The following PPP2R3A variants were observed in gnomAD, a reference collection of about 807,000 sequenced individuals.
The protein encoded by PPP2R3A is protein phosphatase 2 regulatory subunit B''alpha.
In PPP2R3A, 80 loss-of-function variants were observed where a neutral mutation model predicts 106.9. The ratio of observed to expected loss-of-function variants is 0.75; its 90% confidence interval spans 0.62 to 0.90. The LOEUF (loss-of-function observed/expected upper bound fraction) is 0.90. PPP2R3A is among the 40% of genes least tolerant of loss of function. The pLI is 0.00. For synonymous variants in PPP2R3A, 483 were observed against 468.3 expected (o/e 1.03, Z -0.41); for missense variants, 1,386 against 1,350.4 (o/e 1.03, Z -0.41).
At chr3:136,005,734 A>G (rs1209964621) in intron 2 of PPP2R3A, among the ~76,000 whole-genome samples, 1 of 152,186 alleles carries the variant, frequency 6.6e-6, no homozygotes, top group Non-Finnish European at 1.5e-5. Context: ...TCAAAATGAT[A>G]ATAATGTCAT....
At chr3:136,032,399 G>A (rs550904422) in intron 3 of PPP2R3A, among the ~76,000 whole-genome samples, 5 of 151,912 alleles carry the variant, frequency 3.3e-5, no homozygotes, top group African/African-American at 1.2e-4. Flanking sequence ...AAACTTTGCT[G>A]AATTATTTTA....
rs565147863 is a variant in PPP2R3A at position 136,037,037 on chromosome 3, G to T, written c.2263-3822G>T. On this transcript the variant is annotated intron_variant, in intron 3 of 13. Transcript: ENST00000264977. ...GAGGCAACCTTTAAGGAGTAAGGAG[G>T]AGAGAGTTTGTTAGAGCAATAAATG... 2.0e-5 allele frequency among the ~76,000 whole-genome samples: 3 copies of T among 152,340 alleles called. No homozygotes were observed. The East Asian group carries it at 5.8e-4, about 29-fold the overall frequency.
At chr3:135,968,030 C>T (rs1220200601) in intron 1 of PPP2R3A, among the ~76,000 whole-genome samples, 3 of 152,176 alleles carry the variant, frequency 2.0e-5, no homozygotes, top group Admixed American at 6.5e-5. Context: ...TAGTTAAGAA[C>T]CACTGTTGTG....
intron 2 of PPP2R3A, among the ~76,000 whole-genome samples, chr3:136,007,823 G>A (rs987724522): frequency 6.6e-6 from 1 of 152,188 alleles, no homozygotes; most frequent in African/African-American, 2.4e-5. Flanking sequence ...CATGGATTTG[G>A]GTTGGAAAAG....
chr3:136,084,949 T>G lies in PPP2R3A; in HGVS notation c.2788+2528T>G, dbSNP rs2107934977. On this transcript the variant is annotated intron_variant, in intron 8 of 13. Transcript: ENST00000264977. ...CTAACTTGCTTTTGATTTTACAGGC[T>G]CATAGGTGGAAGGAAGTTGGGTTGT... Among the ~76,000 whole-genome samples, 4 of 152,326 alleles carry G rather than the reference T, an allele frequency of 2.6e-5. No individual in the cohort carries two copies. In the Middle Eastern group the frequency reaches 0.014, roughly 518 times the overall value.
At position 135,999,525 on chromosome 3, in the gene PPP2R3A, T is replaced by C. The variant is rs554026791; in HGVS notation, c.-440-1534T>C. Among the ~76,000 whole-genome samples, 3 of 152,276 alleles carry C rather than the reference T, an allele frequency of 2.0e-5. No individual in the cohort carries two copies. In the East Asian group the frequency reaches 5.8e-4, roughly 29 times the overall value. On this transcript the variant is annotated intron_variant, in intron 1 of 13. Transcript: ENST00000264977. ...TTGACACCCATGGGTCTGAAACAAATAGCAGGGAAAGTAATCTTTGATTCT... is the reference window on the plus strand; with the variant it reads ...TTGACACCCATGGGTCTGAAACAAACAGCAGGGAAAGTAATCTTTGATTCT...
chr3:136,064,503 T>C lies in PPP2R3A; in HGVS notation c.2470-5975T>C, dbSNP rs1453779346. 6.6e-5 allele frequency among the ~76,000 whole-genome samples: 10 copies of C among 152,288 alleles called. No homozygotes were observed. In the East Asian group the frequency reaches 1.9e-3, roughly 29 times the overall value. ...TTCAGGGTGTTTCTCTTGTTGTGGATATGTCAGGAAATGGTTGTGTTCACC... is the reference window on the plus strand; with the variant it reads ...TTCAGGGTGTTTCTCTTGTTGTGGACATGTCAGGAAATGGTTGTGTTCACC... On this transcript the variant is annotated intron_variant, in intron 5 of 13. Coordinates refer to ENST00000264977, the MANE Select transcript of PPP2R3A (RefSeq NM_002718.5).
At chr3:136,139,467 G>A (rs148761094) in intron 13 of PPP2R3A, among the ~76,000 whole-genome samples, 1 of 151,850 alleles carries the variant, frequency 6.6e-6, no homozygotes, top group Non-Finnish European at 1.5e-5. Context: ...AGGCCGAGGG[G>A]GGGGATCATG....
intron 2 of PPP2R3A, among the ~76,000 whole-genome samples, chr3:136,018,327 T>C (rs933839359): frequency 6.6e-6 from 1 of 152,226 alleles, no homozygotes; most frequent in East Asian, 1.9e-4. Flanking sequence ...TACTGTTTTT[T>C]AACAGTTATA....
intron 3 of PPP2R3A, among the ~76,000 whole-genome samples, chr3:136,036,714 C>G (rs1935098309): frequency 6.6e-6 from 1 of 152,194 alleles, no homozygotes; most frequent in Admixed American, 6.5e-5. Flanking sequence ...AGCGAAAATT[C>G]TCACTGCAAG....
intron 1 of PPP2R3A, among the ~76,000 whole-genome samples, chr3:135,990,285 T>G (rs1422450992): frequency 1.3e-5 from 2 of 152,114 alleles, no homozygotes; most frequent in Non-Finnish European, 2.9e-5. Context: ...CACTAGGCGC[T>G]GAAGACCTTC....
At chr3:136,081,182 G>A (rs929383004) in intron 7 of PPP2R3A, among the ~76,000 whole-genome samples, 7 of 151,682 alleles carry the variant, frequency 4.6e-5, no homozygotes, top group Non-Finnish European at 7.4e-5. Flanking sequence ...TAGTAGAGAC[G>A]GGGTTTCACC....
chr3:135,995,263 G>T (rs6774289), intron 1 of PPP2R3A, among the ~76,000 whole-genome samples: 38,642 of 151,838 alleles, frequency 0.25, 5,414 homozygotes, highest in Non-Finnish European at 0.32. Context: ...TGTATTAGGG[G>T]TATAAAGCAG....
chr3:136,137,963 C>G (rs1938693174), intron 13 of PPP2R3A, among the ~76,000 whole-genome samples: 1 of 151,970 alleles, frequency 6.6e-6, no homozygotes, highest in African/African-American at 2.4e-5. Context: ...AAGTATGAAG[C>G]CCAACTCTCC....
Position 136,027,108 on chromosome 3 carries a change from C to A in PPP2R3A, c.2262+10C>A. On this transcript the variant is annotated intron_variant, in intron 3 of 13. Transcript: ENST00000264977. ...GGGGAAAATTGCAAAGGTAATGTAA[C>A]TACTAAATGATTTACAATCTCCCCT... The A allele has an allele frequency of 6.2e-7, 1 of 1,603,836 alleles. No individual in the cohort carries two copies. Among genetic ancestry groups the A allele is most frequent in the Non-Finnish European group, 8.5e-7 (1 of 1,174,144 alleles).
At chr3:136,128,824 G>C (rs1316068894) in intron 13 of PPP2R3A, among the ~76,000 whole-genome samples, 1 of 152,138 alleles carries the variant, frequency 6.6e-6, no homozygotes. Context: ...CTGTCTCTCA[G>C]ACCACAGTGC....
At chr3:136,128,513 A>G (rs1322688353) in intron 13 of PPP2R3A, among the ~76,000 whole-genome samples, 2 of 152,238 alleles carry the variant, frequency 1.3e-5, no homozygotes, top group South Asian at 2.1e-4. Context: ...ACCCAGATTC[A>G]TAAAGCAAGT....
intron 13 of PPP2R3A, among the ~76,000 whole-genome samples, chr3:136,109,991 C>G (rs1257345352): frequency 1.3e-5 from 2 of 151,970 alleles, no homozygotes; most frequent in Non-Finnish European, 2.9e-5. Context: ...TATATCCCAC[C>G]CTACCCCTAA....
chr3:136,055,857 C>G (rs1054346576), intron 5 of PPP2R3A: 20 of 469,712 alleles, frequency 4.3e-5, no homozygotes, highest in African/African-American at 3.5e-4. Flanking sequence ...TTAGTAGACA[C>G]TGCAGTCTTA....
Sources: allele counts gnomAD v4.1 joint callset (sites outside exome capture counted in the v4.1 genomes callset), GRCh38; gene constraint gnomAD v4.1.1; transcripts MANE v1.5; gene names NCBI Gene and HGNC (gene_info 2026-07-23, HGNC 2026-07-21).